CCDC178: variants seen among roughly 807,000 people sequenced by gnomAD.
CCDC178 encodes the protein coiled-coil domain-containing protein 178.
In CCDC178, 126 loss-of-function variants were observed where a neutral mutation model predicts 117.4. The observed-to-expected ratio is 1.07, with a 90% CI of 0.93 to 1.24. The LOEUF is 1.24. CCDC178 is among the 50% of genes most tolerant of loss of function. CCDC178 has a pLI of 0.00. For synonymous variants in CCDC178, 283 were observed against 313.4 expected (o/e 0.90, Z 1.02); for missense variants, 1,030 against 986.9 (o/e 1.04, Z -0.59).
chr18:33,128,345 A>T (rs896940927), intron 20 of CCDC178, among the ~76,000 whole-genome samples: 4 of 152,216 alleles, frequency 2.6e-5, no homozygotes, highest in Middle Eastern at 3.2e-3. Flanking sequence ...AATTCCTCTA[A>T]GAGTTACAGA....
chr18:33,398,562 G>A (rs572233669), intron 3 of CCDC178, among the ~76,000 whole-genome samples: 2 of 152,200 alleles, frequency 1.3e-5, no homozygotes, highest in South Asian at 4.2e-4. Flanking sequence ...TTTCATGAGG[G>A]CAAGGAGTAT....
intron 11 of CCDC178, among the ~76,000 whole-genome samples, chr18:33,298,207 C>A (rs145957861): frequency 6.6e-6 from 1 of 152,046 alleles, no homozygotes; most frequent in African/African-American, 2.4e-5. Context: ...ATCTGATGAA[C>A]ATAGATAGAA....
chr18:33,286,720 AACTAAGTT>A (rs1252370298), intron 12 of CCDC178, among the ~76,000 whole-genome samples: 1 of 152,176 alleles, frequency 6.6e-6, no homozygotes, highest in Non-Finnish European at 1.5e-5. Context: ...TTTATATGAA[AACTAAGTT>A]ACTAAAAAAT....
intron 2 of CCDC178, among the ~76,000 whole-genome samples, chr18:33,420,669 A>C (rs1047997002): frequency 5.3e-5 from 8 of 152,114 alleles, no homozygotes; most frequent in Non-Finnish European, 1.2e-4. Context: ...ATTACTTTTA[A>C]TACCTATTGA....
chr18:33,252,754 C>G (rs553458411), intron 14 of CCDC178, among the ~76,000 whole-genome samples: 1 of 151,868 alleles, frequency 6.6e-6, no homozygotes, highest in South Asian at 2.1e-4. Flanking sequence ...GCCAATATAT[C>G]TCTATATTAT....
At chr18:33,431,243 G>A (rs2064215666) in intron 2 of CCDC178, among the ~76,000 whole-genome samples, 1 of 147,706 alleles carries the variant, frequency 6.8e-6, no homozygotes, top group African/African-American at 2.5e-5. Context: ...TAGAGCATGG[G>A]AAACTAACCA....
chr18:33,393,645 G>T (rs936376048), intron 4 of CCDC178, among the ~76,000 whole-genome samples: 1 of 152,064 alleles, frequency 6.6e-6, no homozygotes, highest in African/African-American at 2.4e-5. Context: ...ATTCACCAAT[G>T]CTACTCCATG....
intron 9 of CCDC178, among the ~76,000 whole-genome samples, chr18:33,340,758 A>T (rs950292943): frequency 6.6e-6 from 1 of 152,220 alleles, no homozygotes; most frequent in Non-Finnish European, 1.5e-5. Flanking sequence ...AGTGCACAGA[A>T]GTCAAGAAAT....
chr18:33,044,520 C>A (rs7239779), intron 21 of CCDC178, among the ~76,000 whole-genome samples: 14,742 of 150,228 alleles, frequency 0.098, 1,010 homozygotes, highest in African/African-American at 0.2. Context: ...AACAAACAAA[C>A]AAAAAAAACA....
chr18:33,207,129 T>G (rs1356296395), intron 20 of CCDC178, among the ~76,000 whole-genome samples: 4 of 152,170 alleles, frequency 2.6e-5, no homozygotes, highest in Non-Finnish European at 4.4e-5. Context: ...CCTTCACATA[T>G]CTTGATAGTA....
intron 12 of CCDC178, among the ~76,000 whole-genome samples, chr18:33,277,078 T>G (rs2059959979): frequency 6.6e-6 from 1 of 152,114 alleles, no homozygotes; most frequent in South Asian, 2.1e-4. Flanking sequence ...TTTCCACTAC[T>G]ATTTAACACT....
chr18:33,194,759 T>C (rs1429509155), intron 20 of CCDC178, among the ~76,000 whole-genome samples: 4 of 152,018 alleles, frequency 2.6e-5, no homozygotes, highest in Non-Finnish European at 2.9e-5. Context: ...TTTGGCTACA[T>C]GCAAATGAAA....
intron 2 of CCDC178, among the ~76,000 whole-genome samples, chr18:33,435,896 T>A (rs1409306950): frequency 6.6e-6 from 1 of 152,054 alleles, no homozygotes; most frequent in South Asian, 2.1e-4. Context: ...TGAAATCAGA[T>A]CTACGTGAGG....
At chr18:33,304,545 C>T (rs2062223007) in intron 11 of CCDC178, among the ~76,000 whole-genome samples, 1 of 152,206 alleles carries the variant, frequency 6.6e-6, no homozygotes, top group Non-Finnish European at 1.5e-5. Context: ...GTATAGTGCA[C>T]ATTCAAGCGG....
At chr18:33,011,181 T>C (rs1353079927) in intron 21 of CCDC178, among the ~76,000 whole-genome samples, 1 of 152,130 alleles carries the variant, frequency 6.6e-6, no homozygotes, top group Non-Finnish European at 1.5e-5. Context: ...CTGCTTAATA[T>C]AGAGAAATGA....
At chr18:33,343,373 T>C (rs1382909106) in intron 9 of CCDC178, among the ~76,000 whole-genome samples, 1 of 152,210 alleles carries the variant, frequency 6.6e-6, no homozygotes, top group Non-Finnish European at 1.5e-5. Context: ...ATGGTAAGCT[T>C]ATTTCTAGTT....
intron 21 of CCDC178, among the ~76,000 whole-genome samples, chr18:33,032,464 G>A (rs937649019): frequency 2.0e-5 from 3 of 152,066 alleles, no homozygotes; most frequent in South Asian, 2.1e-4. Context: ...AAGAGGAGGC[G>A]AATCTTAGAG....
At chr18:33,394,310 A>G (rs758423389) in intron 4 of CCDC178, among the ~76,000 whole-genome samples, 2 of 151,986 alleles carry the variant, frequency 1.3e-5, no homozygotes, top group African/African-American at 4.8e-5. Context: ...CTTAATCTTT[A>G]CAATAACACA....
chr18:33,329,874 A>AGTGTGTGTGTGTGTGTGTGTGTGTGTGT (rs764565977), intron 10 of CCDC178, among the ~76,000 whole-genome samples: 1 of 75,364 alleles, frequency 1.3e-5, no homozygotes, highest in Non-Finnish European at 2.5e-5. Context: ...GAGAATTATT[A>AGTGTGTGTGTGTGTGTGTGTGTGTGTGT]GAGTGTGTGT....
Sources: allele counts gnomAD v4.1 joint callset (sites outside exome capture counted in the v4.1 genomes callset), GRCh38; gene constraint gnomAD v4.1.1; transcripts MANE v1.5; gene names NCBI Gene and HGNC (gene_info 2026-07-23, HGNC 2026-07-21).